The following CLSPN variants were observed in gnomAD, a reference collection of about 807,000 sequenced individuals.
CLSPN encodes the protein claspin, also known as claspin homolog.
In CLSPN, 85 loss-of-function variants were observed where a neutral mutation model predicts 156.3. The ratio of observed to expected loss-of-function variants is 0.54; its 90% CI spans 0.46 to 0.65. CLSPN has a LOEUF of 0.65. Among genes scored for constraint, CLSPN ranks in the 30% least tolerant of loss-of-function variants. CLSPN has a pLI of 0.00. For synonymous variants in CLSPN, 534 were observed against 542.4 expected (o/e 0.98, Z 0.22); for missense variants, 1,407 against 1,554.9 (o/e 0.90, Z 1.60).
At chr1:35,743,120 G>A (rs200826227) in intron 18 of CLSPN, 21 bp downstream of exon 18, 1 of 1,582,902 alleles carries the variant, frequency 6.3e-7, no homozygotes, top group Non-Finnish European at 8.7e-7. Flanking sequence ...CTGAAGGAAT[G>A]GACATATTAA....
At chr1:35,761,693 A>G (rs1007068444) in intron 6 of CLSPN, among the ~76,000 whole-genome samples, 1 of 152,186 alleles carries the variant, frequency 6.6e-6, no homozygotes, top group Non-Finnish European at 1.5e-5. Flanking sequence ...TGGCTGACAC[A>G]GGTAACCAAA....
At position 35,722,734 on chromosome 1, in the gene CLSPN, C is replaced by T. The variant is rs140719145; in HGVS notation, c.3910-1754G>A. ...GCAACGTCCGCCTCCCAGGATCAAG[C>T]GATTCTCATGCCTCAGCCTCCTGAG... On this transcript the variant is annotated intron_variant, in intron 24 of 24. Coordinates refer to the CLSPN transcript ENST00000251195. Among the ~76,000 whole-genome samples the T allele has an allele frequency of 2.9e-3, 443 of 152,022 alleles. 1 individual carries two copies. The highest frequency in any genetic ancestry group is 0.01 in the African/African-American group (418 of 41,426).
At position 35,751,407 on chromosome 1, in the gene CLSPN, T is replaced by C; in HGVS notation, c.1871A>G (p.Asn624Ser). 1.2e-6 allele frequency: 2 copies of C among 1,613,966 alleles called. No homozygotes were observed. The highest frequency in any genetic ancestry group is 1.7e-6 in the Non-Finnish European group (2 of 1,179,982). ...CTCCTCTTCCTCAAACCCATCTTCATTATCTAATTTAAACAGTGCTTGGCG... is the reference window on the plus strand; with the variant it reads ...CTCCTCTTCCTCAAACCCATCTTCACTATCTAATTTAAACAGTGCTTGGCG... ...QKRQALFKLD[N>S]EDGFEEEEEE... Residue 624 changes from asparagine (N) to serine (S), a missense_variant, in exon 10 of 25, where the codon AAT (asparagine) becomes AGT (serine). Transcript: ENST00000318121.
intron 18 of CLSPN, among the ~76,000 whole-genome samples, 177 bp downstream of exon 18, chr1:35,742,964 G>T (rs1641747055): frequency 6.6e-6 from 1 of 151,692 alleles, no homozygotes; most frequent in Non-Finnish European, 1.5e-5. Flanking sequence ...TGTCAGGATG[G>T]TCTCGATCTC....
downstream of CLSPN, among the ~76,000 whole-genome samples, chr1:35,731,859 TTTTAAG>T (rs1336203103): frequency 1.6e-4 from 24 of 152,178 alleles, no homozygotes; most frequent in African/African-American, 5.8e-4. Flanking sequence ...CACATTTTCA[TTTTAAG>T]TTTGAGATAT....
intron 18 of CLSPN, among the ~76,000 whole-genome samples, chr1:35,742,007 G>T (rs1641711296): frequency 6.8e-6 from 1 of 146,472 alleles, no homozygotes. Flanking sequence ...AAAAAGCTGG[G>T]CCTGGTGGCT....
chr1:35,768,051 G>A (rs973391117), intron 1 of CLSPN, among the ~76,000 whole-genome samples: 1 of 152,104 alleles, frequency 6.6e-6, no homozygotes, highest in Non-Finnish European at 1.5e-5. Context: ...AGGGCACAAG[G>A]CCTCAGCTGA....
In CLSPN at chr1:35,749,447, G is replaced by A. The variant is rs1417367746; in HGVS notation, c.2272+20C>T. ...AGGGACAAAAGAAATGTTAAGTTCT[G>A]CACAAGAATCACTACTTACCCAGTT... is the stretch of plus-strand genomic sequence containing the variant. On this transcript the variant is annotated intron_variant, in intron 12 of 24. Coordinates refer to ENST00000318121, the MANE Select transcript of CLSPN (RefSeq NM_022111.4). The A allele has an allele frequency of 1.9e-6, 3 of 1,610,916 alleles. No homozygotes were observed. The highest frequency in any genetic ancestry group is 2.5e-6 in the Non-Finnish European group (3 of 1,177,166).
At chr1:35,768,173 G>A (rs894855608) in intron 1 of CLSPN, among the ~76,000 whole-genome samples, 1 of 152,114 alleles carries the variant, frequency 6.6e-6, no homozygotes, top group South Asian at 2.1e-4. Flanking sequence ...TTCGAGACTA[G>A]CCTGGCCAAT....
At chr1:35,748,697 A>T (rs1641979058) in intron 12 of CLSPN, 93 bp from the exon 13 acceptor site, 4 of 1,026,722 alleles carry the variant, frequency 3.9e-6, no homozygotes, top group Non-Finnish European at 6.0e-6. Context: ...TGTCAGATAA[A>T]ATTCATAGGC....
chr1:35,732,175 A>G lies in CLSPN; in HGVS notation c.*4321T>C. ...ACCACTACATTCCAAGCTGTGTGCC[A>G]GGCGATGAGTAGGATATAAGGGTAG... On this transcript the variant is annotated 3_prime_UTR_variant, in exon 25 of 25. Transcript: ENST00000318121. The G allele has an allele frequency of 1.0e-6, 1 of 985,416 alleles. No homozygotes were observed. Among genetic ancestry groups the G allele is most frequent in the Non-Finnish European group, 1.2e-6 (1 of 829,922 alleles). The allele number at this position is 985,416 out of a possible 1,614,324, so 61.0% of individuals were successfully genotyped here. A position where few individuals can be genotyped will look rare whatever the true frequency, so the allele number is the denominator to read the frequency against.
intron 19 of CLSPN, 49 bp downstream of exon 19, chr1:35,739,316 T>C (rs372558460): frequency 6.2e-7 from 1 of 1,613,766 alleles, no homozygotes; most frequent in African/African-American, 1.3e-5. Flanking sequence ...TTACAGGGCT[T>C]GTCTTAAGAT....
At position 35,736,056 on chromosome 1, in the gene CLSPN, A is replaced by G; in HGVS notation, c.*440T>C. On this transcript the variant is annotated 3_prime_UTR_variant, in exon 25 of 25. Coordinates refer to ENST00000318121, the MANE Select transcript of CLSPN (RefSeq NM_022111.4). ...AACATGGTGAAACCCCGTCTCTACTAAAAATACAAAAATTAGCTGGGCGTA... is the reference window on the plus strand; with the variant it reads ...AACATGGTGAAACCCCGTCTCTACTGAAAATACAAAAATTAGCTGGGCGTA... The G allele has an allele frequency of 1.7e-6, 1 of 601,552 alleles. No individual in the cohort carries two copies. The highest frequency in any genetic ancestry group is 1.4e-4 in the East Asian group (1 of 6,920). The allele number at this position is 601,552 out of a possible 1,614,324, so 37.3% of individuals were successfully genotyped here.
Position 35,722,672 on chromosome 1 carries a change from C to T in CLSPN, c.3910-1692G>A, listed in dbSNP as rs76300265. On this transcript the variant is annotated intron_variant, in intron 24 of 24. Transcript: ENST00000251195. ...CCTGAGACGGAGTCTTACTCTGTTGCCCAGGCTGGAGTACAGTGGTGCAAT... is the reference window on the plus strand; with the variant it reads ...CCTGAGACGGAGTCTTACTCTGTTGTCCAGGCTGGAGTACAGTGGTGCAAT... Among the ~76,000 whole-genome samples the T allele has an allele frequency of 6.6e-5, 10 of 152,110 alleles. No individual in the cohort carries two copies. In the East Asian group the frequency reaches 1.9e-3, roughly 29 times the overall value.
chr1:35,730,789 G>A (rs998561612), downstream of CLSPN, among the ~76,000 whole-genome samples: 1 of 152,102 alleles, frequency 6.6e-6, no homozygotes, highest in Non-Finnish European at 1.5e-5. Context: ...GAACGGGGGA[G>A]ACAAAGGTTG....
Position 35,736,422 on chromosome 1 carries a change from G to A in CLSPN, c.*74C>T, listed in dbSNP as rs1487809580. The A allele has an allele frequency of 5.4e-6, 8 of 1,485,894 alleles. No individual in the cohort carries two copies. Among genetic ancestry groups the A allele is most frequent in the South Asian group, 1.5e-5 (1 of 66,036 alleles). The allele number at this position is 1,485,894 out of a possible 1,614,324, so 92.0% of individuals were successfully genotyped here. A position where few individuals can be genotyped will look rare whatever the true frequency, so the allele number is the denominator to read the frequency against. Reference sequence around the variant, plus strand: ...AAAGAAGGAAGGATCATTGGCTGGAGTGTCAATTCCAACTTTCAGTGCTAG... The same window carrying A: ...AAAGAAGGAAGGATCATTGGCTGGAATGTCAATTCCAACTTTCAGTGCTAG... On this transcript the variant is annotated 3_prime_UTR_variant, in exon 25 of 25. Transcript: ENST00000318121.
intron 18 of CLSPN, among the ~76,000 whole-genome samples, chr1:35,741,349 T>C (rs1205368303): frequency 6.6e-6 from 1 of 152,168 alleles, no homozygotes; most frequent in African/African-American, 2.4e-5. Context: ...GAATGGAGTT[T>C]CTCTCGTCGC....
rs1302120014 is a variant in CLSPN, at chr1:35,746,001, A to G, written c.2855-439T>C. ...CTCTCTGTTGCCCAGGCTGGAGTGC[A>G]GTGGCACAATCTCGGCTCACTGCAA... On this transcript the variant is annotated intron_variant, in intron 15 of 24. Transcript: ENST00000318121. The surrounding 1 kb of genome is among the most constrained non-coding windows in gnomAD (Gnocchi z 4.2). 1.3e-5 allele frequency among the ~76,000 whole-genome samples: 2 copies of G among 151,690 alleles called. No individual in the cohort carries two copies. The highest frequency in any genetic ancestry group is 2.4e-5 in the African/African-American group (1 of 41,238).
In CLSPN at chr1:35,738,110, AAAAATATATATATAT is replaced by A; in HGVS notation, c.3559-28_3559-14del. On this transcript the variant is annotated splice_polypyrimidine_tract_variant and intron_variant, in intron 21 of 24. Transcript: ENST00000318121. ...TCCCCTGCTGTGCCTGAAAAAAAAA[AAAAATATATATATAT>A]ATATATATATATATACAGCATTAAA... 2 of 593,540 alleles carry A rather than the reference AAAAATATATATATAT, an allele frequency of 3.4e-6. No homozygotes were observed. Among genetic ancestry groups the A allele is most frequent in the South Asian group, 5.0e-5 (1 of 20,000 alleles). The allele number at this position is 593,540 out of a possible 1,614,324, so 36.8% of individuals were successfully genotyped here. A position where few individuals can be genotyped will look rare whatever the true frequency, so the allele number is the denominator to read the frequency against.
Sources: gnomAD v4.1 joint callset for allele counts (sites outside exome capture counted in the v4.1 genomes callset) on GRCh38, gnomAD v4.1.1 for gene constraint, Gnocchi (gnomAD v3.1) non-coding constraint, MANE v1.5 for transcripts, NCBI Gene and HGNC (gene_info 2026-07-23, HGNC 2026-07-21) for gene names.